The following MSANTD1 variants were observed in gnomAD, a reference collection of about 807,000 sequenced individuals.
The protein encoded by MSANTD1 is Myb/SANT DNA binding domain containing 1.
A neutral mutation model predicts 24.2 loss-of-function variants in MSANTD1; 7 were observed. The observed-to-expected ratio is 0.29, with a 90% CI of 0.16 to 0.54. The LOEUF (loss-of-function observed/expected upper bound fraction) is 0.54, where lower values mean the gene tolerates loss of function less well. Ranked by LOEUF, MSANTD1 falls within the 20% of genes least tolerant of loss-of-function variation. The probability of loss-of-function intolerance (pLI) is 0.94; values close to 1 mark genes in which losing one functional copy is unlikely to be tolerated. For synonymous variants in MSANTD1, 177 were observed against 181.1 expected (o/e 0.98, Z 0.18); for missense variants, 384 against 408.2 (o/e 0.94, Z 0.51).
Position 3,249,363 on chromosome 4 carries a change from G to A in MSANTD1, c.141G>A (p.Thr47=), listed in dbSNP as rs369758700. 1.8e-5 allele frequency: 28 copies of A among 1,561,510 alleles called. No homozygotes were observed. Among genetic ancestry groups the A allele is most frequent in the African/African-American group, 4.1e-5 (3 of 73,852 alleles). ...AEKHRRARNW[T]DAEMRGLMLV... ...AGCACCGGCGGGCCCGCAACTGGAC[G>A]GACGCCGAGATGCGCGGCCTCATGC... The change falls in exon 1 of 3, where the codon ACG becomes ACA. Residue 47 remains threonine (T), a synonymous_variant. Coordinates refer to ENST00000438480, the MANE Select transcript of MSANTD1 (RefSeq NM_001042690.2).
chr4:3,249,119 G>A (rs1052037813), upstream of MSANTD1: 29 of 1,066,072 alleles, frequency 2.7e-5, no homozygotes, highest in Admixed American at 3.7e-5. Context: ...TCAAAATGAC[G>A]TTTCCCGTTT....
intron 1 of MSANTD1, 127 bp downstream of exon 1, chr4:3,249,669 T>A: frequency 1.1e-6 from 1 of 912,628 alleles, no homozygotes; most frequent in Non-Finnish European, 1.7e-6. Flanking sequence ...CGGTCTCCTC[T>A]GGCCGGGTAT....
At chr4:3,255,701 C>A in intron 2 of MSANTD1, 24 bp from the exon 3 acceptor site, 2 of 1,508,138 alleles carry the variant, frequency 1.3e-6, no homozygotes, top group South Asian at 1.3e-5. Flanking sequence ...GCCAGCACGT[C>A]CACAGCCGGC....
rs1722381027 is a variant in MSANTD1, at chr4:3,256,032, C to T, written c.*67C>T. On this transcript the variant is annotated 3_prime_UTR_variant, in exon 3 of 3. Coordinates refer to ENST00000438480, the MANE Select transcript of MSANTD1 (RefSeq NM_001042690.2). ...TACTGCTCAGGCCACCCAGGGCAGG[C>T]CACTCAGGCCAGGCGGGCAAGGGGG... is the stretch of plus-strand genomic sequence containing the variant. The T allele has an allele frequency of 2.1e-6, 3 of 1,414,578 alleles. No homozygotes were observed. Among genetic ancestry groups the T allele is most frequent in the East Asian group, 2.7e-5 (1 of 37,058 alleles). The allele number at this position is 1,414,578 out of a possible 1,614,324, so 87.6% of individuals were successfully genotyped here.
chr4:3,255,673 G>T (rs1313153987), intron 2 of MSANTD1, 52 bp from the exon 3 acceptor site: 2 of 1,470,884 alleles, frequency 1.4e-6, no homozygotes, highest in Non-Finnish European at 1.8e-6. Flanking sequence ...GAGGCCCCTG[G>T]TGTGCCCAGG....
chr4:3,246,708 C>A (rs560094798), upstream of MSANTD1: 12 of 685,054 alleles, frequency 1.8e-5, no homozygotes, highest in Admixed American at 2.3e-4. Context: ...GATGTGGGGA[C>A]CCTCCCAGGC....
At position 3,255,751 on chromosome 4, in the gene MSANTD1, G is replaced by A. The variant is rs376149004; in HGVS notation, c.623G>A (p.Arg208His). The stretch of plus-strand genomic sequence containing the variant: ...TCGGAGGAGCGGCCGGTGAAGAAGC[G>A]CAAGGTGCAGAGCTGCCACCTGCAG... The part of the protein sequence containing the change: ...FRSEERPVKK[R>H]KVQSCHLQKK... The change falls in exon 3 of 3, where the codon CGC (arginine) becomes CAC (histidine). Residue 208 changes from arginine to histidine, a missense_variant. Coordinates refer to ENST00000438480, the MANE Select transcript of MSANTD1 (RefSeq NM_001042690.2). 41 of 1,544,776 alleles carry A rather than the reference G, an allele frequency of 2.7e-5. No homozygotes were observed. Among genetic ancestry groups the A allele is most frequent in the South Asian group, 1.2e-4 (10 of 83,674 alleles).
rs565126453 is a variant in MSANTD1 at position 3,255,750 on chromosome 4, C to T, written c.622C>T (p.Arg208Cys). The change falls in exon 3 of 3, where the codon CGC (arginine) becomes TGC (cysteine). Residue 208 changes from arginine to cysteine, a missense_variant. Transcript: ENST00000438480. ...FRSEERPVKK[R>C]KVQSCHLQKK... ...GTCGGAGGAGCGGCCGGTGAAGAAGCGCAAGGTGCAGAGCTGCCACCTGCA... is the reference window on the plus strand; with the variant it reads ...GTCGGAGGAGCGGCCGGTGAAGAAGTGCAAGGTGCAGAGCTGCCACCTGCA... 8.4e-6 allele frequency: 13 copies of T among 1,544,624 alleles called. No individual in the cohort carries two copies. The highest frequency in any genetic ancestry group is 1.2e-5 in the South Asian group (1 of 83,640).
intron 2 of MSANTD1, among the ~76,000 whole-genome samples, chr4:3,253,985 G>A (rs1025552680): frequency 6.6e-6 from 1 of 152,218 alleles, no homozygotes; most frequent in East Asian, 1.9e-4. Context: ...CGTCCCCTCT[G>A]CCATCCATCC....
At position 3,253,330 on chromosome 4, in the gene MSANTD1, G is replaced by C; in HGVS notation, c.444G>C (p.Pro148=). The change falls in exon 2 of 3, where the codon CCG becomes CCC. Residue 148 remains proline (P), a synonymous_variant. Coordinates refer to ENST00000438480, the MANE Select transcript of MSANTD1 (RefSeq NM_001042690.2). The part of the protein sequence containing the change: ...SCDGKLPDSQ[P]PGPSTSQTEA... ...ATGGCAAACTGCCGGACAGCCAGCC[G>C]CCGGGGCCCTCCACGTCCCAGACCG... 6.2e-7 allele frequency: 1 copy of C among 1,610,178 alleles called. No individual in the cohort carries two copies. The highest frequency in any genetic ancestry group is 8.5e-7 in the Non-Finnish European group (1 of 1,178,384).
chr4:3,249,487 C>T lies in MSANTD1; in HGVS notation c.265C>T (p.Arg89Cys), dbSNP rs759178515. Residue 89 changes from arginine to cysteine, a missense_variant, in exon 1 of 3, where the codon CGC (arginine) becomes TGC (cysteine). Arg to Cys is a radical substitution (Grantham distance 180). Transcript: ENST00000438480. Reference protein sequence around the residue: ...ASKLFEMTGERRLGEEIKIKI... With the variant: ...ASKLFEMTGECRLGEEIKIKI... ...CAAGCTCTTCGAGATGACCGGCGAGCGCAGGCTGGGCGAGGAGATCAAGAT... is the reference window on the plus strand; with the variant it reads ...CAAGCTCTTCGAGATGACCGGCGAGTGCAGGCTGGGCGAGGAGATCAAGAT... 5.0e-5 allele frequency: 80 copies of T among 1,611,984 alleles called. No homozygotes were observed. Among genetic ancestry groups the T allele is most frequent in the South Asian group, 1.4e-4 (13 of 90,744 alleles).
intron 2 of MSANTD1, among the ~76,000 whole-genome samples, chr4:3,255,468 C>T (rs1432833158): frequency 2.6e-5 from 4 of 152,218 alleles, no homozygotes; most frequent in African/African-American, 9.6e-5. Flanking sequence ...AGGTGATCCA[C>T]CTGCCTCTGC....
In MSANTD1 at chr4:3,255,981, C is replaced by T. The variant is rs560391551; in HGVS notation, c.*16C>T. 1,639 of 1,497,234 alleles carry T rather than the reference C, an allele frequency of 1.1e-3. 4 individuals carry two copies. The highest frequency in any genetic ancestry group is 1.4e-3 in the Non-Finnish European group (1,559 of 1,123,676). The allele number at this position is 1,497,234 out of a possible 1,614,324, so 92.7% of individuals were successfully genotyped here. A position where few individuals can be genotyped will look rare whatever the true frequency, so the allele number is the denominator to read the frequency against. On this transcript the variant is annotated 3_prime_UTR_variant, in exon 3 of 3. Transcript: ENST00000438480. ...CAGCGTCTAGGCCAGCAGGCGGCGG[C>T]GGCGGCGGGGCCGGGCGGCTGGTGG...
In MSANTD1 at chr4:3,249,474, G is replaced by A; in HGVS notation, c.252G>A (p.Glu84=). The change falls in exon 1 of 3, where the codon GAG becomes GAA. Residue 84 remains glutamate, a synonymous_variant. Coordinates refer to ENST00000438480, the MANE Select transcript of MSANTD1 (RefSeq NM_001042690.2). ...AGAAGATGGCCAGCAAGCTCTTCGA[G>A]ATGACCGGCGAGCGCAGGCTGGGCG... ...VYEKMASKLF[E]MTGERRLGEE... The A allele has an allele frequency of 6.2e-7, 1 of 1,612,140 alleles. No homozygotes were observed. The highest frequency in any genetic ancestry group is 8.5e-7 in the Non-Finnish European group (1 of 1,179,716).
upstream of MSANTD1, chr4:3,248,281 C>G (rs1178976362): frequency 1.3e-5 from 2 of 152,282 alleles, no homozygotes; most frequent in African/African-American, 4.8e-5. Context: ...TCCCTCAGCC[C>G]CACAGGGGCC....
rs200529397 is a variant in MSANTD1 at position 3,255,709 on chromosome 4, G to A, written c.597-16G>A. 1.5e-3 allele frequency: 2,327 copies of A among 1,520,458 alleles called. 5 individuals carry two copies. The highest frequency in any genetic ancestry group is 1.8e-3 in the Non-Finnish European group (2,080 of 1,131,718). The allele number at this position is 1,520,458 out of a possible 1,614,324, so 94.2% of individuals were successfully genotyped here. Reference sequence around the variant, plus strand: ...CTCTGTGGCCAGCACGTCCACAGCCGGCACTGTCCTTCCAGGTCGGAGGAG... The same window carrying A: ...CTCTGTGGCCAGCACGTCCACAGCCAGCACTGTCCTTCCAGGTCGGAGGAG... On this transcript the variant is annotated splice_polypyrimidine_tract_variant and intron_variant, in intron 2 of 2. Coordinates refer to ENST00000438480, the MANE Select transcript of MSANTD1 (RefSeq NM_001042690.2).
At position 3,249,395 on chromosome 4, in the gene MSANTD1, G is replaced by GGA; in HGVS notation, c.174_175insAG (p.Glu59ArgfsTer28). 1 of 1,594,892 alleles carries GGA rather than the reference G, an allele frequency of 6.3e-7. No individual in the cohort carries two copies. On this transcript the variant is annotated frameshift_variant, in exon 1 of 3. Coordinates refer to ENST00000438480, the MANE Select transcript of MSANTD1 (RefSeq NM_001042690.2). LOFTEE classifies it high-confidence loss of function. ...GAGATGCGCGGCCTCATGCTGGTCT[G>GGA]GGAGGAGTTCTTCGACGAGCTCAAG... is the stretch of plus-strand genomic sequence containing the variant.
At chr4:3,254,351 A>C (rs1333048110) in intron 2 of MSANTD1, among the ~76,000 whole-genome samples, 1 of 152,210 alleles carries the variant, frequency 6.6e-6, no homozygotes, top group Non-Finnish European at 1.5e-5. Context: ...TTCTCATTGA[A>C]GACCTGAGAC....
chr4:3,249,583 G>A, intron 1 of MSANTD1, 41 bp downstream of exon 1: 1 of 1,559,466 alleles, frequency 6.4e-7, no homozygotes, highest in African/African-American at 1.4e-5. Flanking sequence ...GGACGGGCGG[G>A]CCCGGGCGTG....
Sources: allele counts gnomAD v4.1 joint callset (sites outside exome capture counted in the v4.1 genomes callset), GRCh38; gene constraint gnomAD v4.1.1; transcripts MANE v1.5; gene names NCBI Gene and HGNC (gene_info 2026-07-23, HGNC 2026-07-21).